ACTR3C: variants seen among roughly 807,000 people sequenced by gnomAD.
The protein encoded by ACTR3C is actin related protein 3C, also known as actin-related protein 3C.
ACTR3C carries 18 observed loss-of-function variants against 26.3 expected under a neutral mutation model. The ratio of observed to expected loss-of-function variants is 0.68; its 90% CI spans 0.47 to 1.01. The LOEUF (loss-of-function observed/expected upper bound fraction) is 1.01, where lower values mean the gene tolerates loss of function less well. ACTR3C is among the 50% of genes least tolerant of loss of function. The pLI is 0.00. For synonymous variants in ACTR3C, 55 were observed against 94.5 expected, an observed-to-expected ratio of 0.58 and a Z score of 2.42; for missense variants, 184 against 250.7, an observed-to-expected ratio of 0.73 and a Z score of 1.80.
At chr7:149,952,346 GT>G in the ACTR3C span, among the ~76,000 whole-genome samples, 1 of 146,534 alleles carries the variant, frequency 6.8e-6, no homozygotes, top group Admixed American at 6.7e-5. Flanking sequence ...CATTGTCATA[GT>G]TTTAGGAAAG....
chr7:150,166,925 T>G, the ACTR3C span, among the ~76,000 whole-genome samples: 1 of 150,440 alleles, frequency 6.6e-6, no homozygotes, highest in Non-Finnish European at 1.5e-5. Context: ...GTGCCCGGTT[T>G]ATTTCAACTA....
chr7:149,973,703 G>A, the ACTR3C span, among the ~76,000 whole-genome samples: 5 of 151,496 alleles, frequency 3.3e-5, no homozygotes, highest in Non-Finnish European at 7.4e-5. Flanking sequence ...TCTTTATTAC[G>A]GTTTGTTTCC....
At chr7:150,068,298 A>T in the ACTR3C span, among the ~76,000 whole-genome samples, 2 of 152,124 alleles carry the variant, frequency 1.3e-5, no homozygotes, top group Non-Finnish European at 2.9e-5. Flanking sequence ...GCTAATTTCC[A>T]TCCCATTCCT....
At chr7:150,031,535 CCCTGAGTAAAA>C in the ACTR3C span, among the ~76,000 whole-genome samples, 3 of 152,146 alleles carry the variant, frequency 2.0e-5, no homozygotes, top group African/African-American at 7.2e-5. Flanking sequence ...AAAACCCAGT[CCCTGAGTAAAA>C]CCTGAGTCCA....
the ACTR3C span, among the ~76,000 whole-genome samples, chr7:150,037,951 C>A: frequency 8.1e-4 from 108 of 133,222 alleles, no homozygotes; most frequent in Non-Finnish European, 1.1e-3. Context: ...GATGGCGGTG[C>A]AAAGAGCCAG....
At chr7:150,198,540 A>C in the ACTR3C span, among the ~76,000 whole-genome samples, 20,631 of 120,806 alleles carry the variant, frequency 0.17, 2,660 homozygotes, top group African/African-American at 0.4. Flanking sequence ...GCCGAGACCC[A>C]GTCTGGGAGG....
the ACTR3C span, among the ~76,000 whole-genome samples, chr7:149,910,323 A>G: frequency 6.6e-6 from 1 of 152,218 alleles, no homozygotes; most frequent in East Asian, 1.9e-4. Context: ...TGACAAGAGC[A>G]TCTCTTCATC....
chr7:150,128,649 C>T, the ACTR3C span, among the ~76,000 whole-genome samples: 4 of 151,720 alleles, frequency 2.6e-5, no homozygotes, highest in East Asian at 7.8e-4. Context: ...CTGGGAGTTT[C>T]TCTCATGCAC....
the ACTR3C span, chr7:149,892,446 A>G: frequency 2.0e-6 from 3 of 1,522,704 alleles, no homozygotes; most frequent in South Asian, 3.8e-5. Flanking sequence ...ATCCATATCT[A>G]TTTAAATGAT....
chr7:150,179,679 AG>A, the ACTR3C span, among the ~76,000 whole-genome samples: 1 of 151,260 alleles, frequency 6.6e-6, no homozygotes, highest in Non-Finnish European at 1.5e-5. Context: ...TTGTAGAGGC[AG>A]GGGTCTCGCT....
the ACTR3C span, among the ~76,000 whole-genome samples, chr7:149,939,199 C>T: frequency 1.1e-4 from 17 of 152,104 alleles, no homozygotes; most frequent in African/African-American, 2.4e-4. Flanking sequence ...AGGCTGGTCT[C>T]GAACTCCCGA....
the ACTR3C span, among the ~76,000 whole-genome samples, chr7:150,033,975 C>T: frequency 3.1e-4 from 43 of 137,990 alleles, no homozygotes; most frequent in East Asian, 6.0e-3. Flanking sequence ...GGGGGACGTT[C>T]GCAGTCCCCG....
the ACTR3C span, among the ~76,000 whole-genome samples, chr7:150,009,584 A>G: frequency 6.6e-6 from 1 of 152,196 alleles, no homozygotes; most frequent in African/African-American, 2.4e-5. Flanking sequence ...TTACTTGACC[A>G]CTGGGCTCTA....
chr7:150,001,227 C>G, the ACTR3C span: 2 of 152,356 alleles, frequency 1.3e-5, no homozygotes, highest in South Asian at 4.1e-4. Flanking sequence ...TAAAGCTTCC[C>G]CTTTCTACTT....
the ACTR3C span, among the ~76,000 whole-genome samples, chr7:150,124,852 T>A: frequency 6.6e-6 from 1 of 152,338 alleles, no homozygotes; most frequent in Non-Finnish European, 1.5e-5. Context: ...GTTAAAGAGC[T>A]TTTCAATTAG....
chr7:149,932,128 C>T, the ACTR3C span, among the ~76,000 whole-genome samples: 3 of 152,120 alleles, frequency 2.0e-5, no homozygotes, highest in Non-Finnish European at 4.4e-5. Flanking sequence ...GTGACAGGTG[C>T]ATACAGTGGA....
chr7:150,035,911 GC>G, the ACTR3C span, among the ~76,000 whole-genome samples: 229 of 121,018 alleles, frequency 1.9e-3, 6 homozygotes, highest in Admixed American at 3.5e-3. Context: ...CCCCACCCTC[GC>G]GGGGGGTGCC....
intron 4 of ACTR3C, among the ~76,000 whole-genome samples, chr7:150,288,769 C>A (rs1460590503): frequency 6.9e-6 from 1 of 145,596 alleles, no homozygotes; most frequent in Non-Finnish European, 1.5e-5. Context: ...TGAGAGCCCC[C>A]TTCCCAGGAA....
the ACTR3C span, among the ~76,000 whole-genome samples, chr7:150,015,510 A>G: frequency 1.3e-5 from 2 of 152,166 alleles, no homozygotes; most frequent in South Asian, 2.1e-4. Flanking sequence ...GTCCCTTTCT[A>G]TAACAAACTA....
Sources: gnomAD v4.1 joint callset for allele counts (sites outside exome capture counted in the v4.1 genomes callset) on GRCh38, gnomAD v4.1.1 for gene constraint, MANE v1.5 for transcripts, NCBI Gene and HGNC (gene_info 2026-07-23, HGNC 2026-07-21) for gene names.